The following DMXL1 variants were observed in gnomAD, a reference collection of about 807,000 sequenced individuals.
DMXL1 encodes Dmx like 1, also known as dmX-like protein 1.
In DMXL1, 99 loss-of-function variants were observed where a neutral mutation model predicts 319.2. That is an observed-to-expected ratio of 0.31 (90% CI 0.26 to 0.37). DMXL1 has a LOEUF of 0.37. Among genes scored for constraint, DMXL1 ranks in the 10% least tolerant of loss-of-function variants. The pLI is 1.00. For synonymous variants in DMXL1, 1,385 were observed against 1,235.2 expected (o/e 1.12, Z -2.54); for missense variants, 3,745 against 3,595.6 (o/e 1.04, Z -1.06).
chr5:119,129,243 A>G lies in DMXL1; in HGVS notation c.1135A>G (p.Ser379Gly). 1.9e-6 allele frequency: 3 copies of G among 1,612,762 alleles called. No homozygotes were observed. The highest frequency in any genetic ancestry group is 2.5e-6 in the Non-Finnish European group (3 of 1,179,202). The change falls in exon 10 of 44, where the codon AGT (serine) becomes GGT (glycine). Residue 379 changes from serine (S) to glycine (G), a missense_variant. By Grantham distance (56) the Ser-to-Gly change is moderately conservative (BLOSUM62 0). This residue lies in a region of DMXL1 where 2,096 missense variants were observed against 1,985.4 expected (regional missense o/e 1.06). Transcript: ENST00000539542. ...IPLLPSITSL[S>G]LNENEEKTGP... ...ACTTCTTCCATCTATTACATCTCTG[A>G]GTCTAAATGAAAATGAAGAGAAGAC...
intron 29 of DMXL1, among the ~76,000 whole-genome samples, chr5:119,193,612 G>A (rs1302896043): frequency 1.3e-5 from 2 of 152,012 alleles, no homozygotes; most frequent in African/African-American, 2.4e-5. Context: ...AATTCTTGCC[G>A]CACAGTGGAT....
At chr5:119,238,793 G>T (rs11748383) in intron 40 of DMXL1, 196 bp from the exon 41 acceptor site, 1 of 700,296 alleles carries the variant, frequency 1.4e-6, no homozygotes, top group African/African-American at 1.9e-5. Flanking sequence ...ATGTTAAAAA[G>T]TTGCTGCATC....
chr5:119,145,397 GTCT>G (rs907894476), intron 15 of DMXL1, among the ~76,000 whole-genome samples: 10 of 151,446 alleles, frequency 6.6e-5, no homozygotes, highest in Admixed American at 6.6e-4. Flanking sequence ...ATTGCTTTTA[GTCT>G]TCTATCAGTT....
Position 119,178,307 on chromosome 5 carries a change from C to A in DMXL1, c.7135+63C>A, listed in dbSNP as rs576947433. On this transcript the variant is annotated intron_variant, in intron 28 of 43. Coordinates refer to ENST00000539542, the MANE Select transcript of DMXL1 (RefSeq NM_001290321.3). ...TTATCTGAGTGATATCATTCTCAAA[C>A]GTAATTACATTTTAATTTAGTTATA... 3 of 1,506,712 alleles carry A rather than the reference C, an allele frequency of 2.0e-6. No individual in the cohort carries two copies. The East Asian group carries it at 6.8e-5, about 34-fold the overall frequency. The allele number at this position is 1,506,712 out of a possible 1,614,324, so 93.3% of individuals were successfully genotyped here. A position where few individuals can be genotyped will look rare whatever the true frequency, so the allele number is the denominator to read the frequency against.
chr5:119,083,293 A>G (rs948263277), intron 1 of DMXL1, among the ~76,000 whole-genome samples: 7 of 151,730 alleles, frequency 4.6e-5, no homozygotes, highest in African/African-American at 1.7e-4. Flanking sequence ...CCCAAAGTGT[A>G]GTTCCATCCT....
At chr5:119,239,828 G>T (rs536311135) in intron 41 of DMXL1, among the ~76,000 whole-genome samples, 50 of 151,692 alleles carry the variant, frequency 3.3e-4, no homozygotes, top group African/African-American at 1.2e-3. Context: ...GTGGTGGCAG[G>T]TGCCTGTAAT....
chr5:119,125,093 C>T (rs1348859149), intron 9 of DMXL1, among the ~76,000 whole-genome samples: 1 of 152,128 alleles, frequency 6.6e-6, no homozygotes, highest in Admixed American at 6.5e-5. Flanking sequence ...AAATCTGTTA[C>T]TGTTAATAAT....
chr5:119,189,595 C>T, intron 28 of DMXL1, 113 bp from the exon 29 acceptor site: 1 of 945,952 alleles, frequency 1.1e-6, no homozygotes, highest in South Asian at 1.7e-5. Flanking sequence ...TAATCTCAAT[C>T]TTATTTTTTT....
Position 119,129,378 on chromosome 5 carries a change from G to T in DMXL1, c.1270G>T (p.Ala424Ser), listed in dbSNP as rs375258016. The T allele has an allele frequency of 1.9e-6, 3 of 1,613,598 alleles. No homozygotes were observed. In the African/African-American group the frequency reaches 4.0e-5, roughly 22 times the overall value. The change falls in exon 10 of 44, where the codon GCC becomes TCC. Residue 424 changes from alanine (A) to serine (S), a missense_variant. Physicochemically the swap from Ala to Ser is moderately conservative, Grantham distance 99. Around this residue, in one of 4 missense-constraint regions of DMXL1, gnomAD observed 2,096 missense variants for 1,985.4 expected, o/e 1.06. Transcript: ENST00000539542. ...RKSFEQPSSE[A>S]SVEDSNQADV... ...AAGTTTTGAACAACCATCTTCTGAG[G>T]CCAGTGTAGAAGATTCTAATCAGGC...
At position 119,237,336 on chromosome 5, in the gene DMXL1, T is replaced by G. The variant is rs1183249961; in HGVS notation, c.8481T>G (p.Asp2827Glu). 6.3e-7 allele frequency: 1 copy of G among 1,590,194 alleles called. No individual in the cohort carries two copies. Among genetic ancestry groups the G allele is most frequent in the Admixed American group, 1.7e-5 (1 of 59,880 alleles). ...CTTTCTCTAAGTTTGGAATAGTTGA[T>G]GCTGATGGATATTTAAGTTTGTATC... ...NYQGNKFGIV[D>E]ADGYLSLYQT... The change falls in exon 40 of 44, where the codon GAT becomes GAG. Residue 2827 changes from aspartate to glutamate, a missense_variant. Around this residue, in one of 4 missense-constraint regions of DMXL1, gnomAD observed 262 missense variants for 320.5 expected, o/e 0.82. Transcript: ENST00000539542.
At chr5:119,136,631 G>T (rs183135985) in intron 13 of DMXL1, among the ~76,000 whole-genome samples, 62 of 152,382 alleles carry the variant, frequency 4.1e-4, no homozygotes, top group Non-Finnish European at 9.0e-4. Flanking sequence ...GCAGCCTTGG[G>T]ATTCAGTGCC....
chr5:119,133,423 A>C (rs1330712010), intron 11 of DMXL1, 38 bp downstream of exon 11: 1 of 1,591,650 alleles, frequency 6.3e-7, no homozygotes, highest in East Asian at 2.2e-5. Flanking sequence ...TTCCTTGTTT[A>C]TGTGGGTACT....
intron 1 of DMXL1, among the ~76,000 whole-genome samples, chr5:119,080,259 A>G (rs1457424561): frequency 6.6e-6 from 1 of 152,122 alleles, no homozygotes; most frequent in African/African-American, 2.4e-5. Context: ...AGGCAGGATA[A>G]TTGCTTGAAC....
intron 18 of DMXL1, among the ~76,000 whole-genome samples, chr5:119,151,012 T>C (rs1769670435): frequency 6.6e-6 from 1 of 152,176 alleles, no homozygotes; most frequent in Non-Finnish European, 1.5e-5. Flanking sequence ...ACTGAATCTT[T>C]CTGAGTTTAG....
Position 119,216,291 on chromosome 5 carries a change from C to T in DMXL1, c.7927-610C>T, listed in dbSNP as rs183666471. ...AGCAGAAGGTCAAATATATGTCCCT[C>T]ATCTAAAGTACTTAGAATGGTGGTT... On this transcript the variant is annotated intron_variant, in intron 34 of 43. Coordinates refer to ENST00000539542, the MANE Select transcript of DMXL1 (RefSeq NM_001290321.3). Among the ~76,000 whole-genome samples the T allele has an allele frequency of 1.2e-4, 18 of 152,158 alleles. No homozygotes were observed. The East Asian group carries it at 1.5e-3, about 13-fold the overall frequency.
At chr5:119,114,731 C>T (rs974166581) in intron 6 of DMXL1, among the ~76,000 whole-genome samples, 190 bp downstream of exon 6, 55 of 152,260 alleles carry the variant, frequency 3.6e-4, no homozygotes, top group African/African-American at 1.3e-3. Context: ...TGCAGTGGCA[C>T]GATCTCGGCT....
In DMXL1 at chr5:119,131,692, T is replaced by A. The variant is rs1333513208; in HGVS notation, c.1316-1440T>A. ...GAACATCTGCATTGAGAAGCCAGTT[T>A]ACTTATTTTCCAGTTTAATATTAGG... On this transcript the variant is annotated intron_variant, in intron 10 of 43. Transcript: ENST00000539542. Among the ~76,000 whole-genome samples, 3 of 152,256 alleles carry A rather than the reference T, an allele frequency of 2.0e-5. No individual in the cohort carries two copies. The East Asian group carries it at 5.8e-4, about 29-fold the overall frequency.
At chr5:119,139,072 A>G (rs1451729812) in intron 13 of DMXL1, 1 of 152,236 alleles carries the variant, frequency 6.6e-6, no homozygotes, top group Non-Finnish European at 1.5e-5. Context: ...AGAAGAAATA[A>G]GATCCTTTTT....
chr5:119,112,025 A>T (rs1759731388), intron 5 of DMXL1, among the ~76,000 whole-genome samples: 3 of 151,810 alleles, frequency 2.0e-5, no homozygotes, highest in South Asian at 4.1e-4. Context: ...CAGTGGTGTG[A>T]TCTCAGCTCA....
Sources: allele counts gnomAD v4.1 joint callset (sites outside exome capture counted in the v4.1 genomes callset), GRCh38; gene constraint gnomAD v4.1.1; regional missense constraint gnomAD v4.1.1; transcripts MANE v1.5; gene names NCBI Gene and HGNC (gene_info 2026-07-23, HGNC 2026-07-21).